Variants in APLF observed in about 807,000 individuals in gnomAD.
The protein encoded by APLF is aprataxin and PNK-like factor.
In APLF, 61 loss-of-function variants were observed where a neutral mutation model predicts 55.6. That is an observed-to-expected ratio of 1.10 (90% CI 0.89 to 1.36). The LOEUF (loss-of-function observed/expected upper bound fraction) is 1.36. Ranked by LOEUF, APLF falls within the 40% of genes most tolerant of loss-of-function variation. The pLI, the probability that APLF is intolerant of heterozygous loss-of-function variation, is 0.00. For missense variants in APLF, 611 were observed against 602.5 expected (o/e 1.01, Z -0.15); for synonymous variants, 207 against 214.8 (o/e 0.96, Z 0.32).
At chr2:68,469,674 G>A (rs1470339499) in intron 1 of APLF, among the ~76,000 whole-genome samples, 1 of 152,142 alleles carries the variant, frequency 6.6e-6, no homozygotes, top group Admixed American at 6.5e-5. Context: ...AGATGCACTC[G>A]ATTCTTCTCT....
At chr2:68,538,287 A>C in intron 7 of APLF, 60 bp downstream of exon 7, 3 of 1,402,036 alleles carry the variant, frequency 2.1e-6, no homozygotes, top group African/African-American at 1.4e-5. Context: ...AGCTATGTAG[A>C]TACATGCTAC....
At chr2:68,504,205 T>C (rs912791440) in intron 3 of APLF, among the ~76,000 whole-genome samples, 4 of 152,034 alleles carry the variant, frequency 2.6e-5, no homozygotes, top group African/African-American at 9.7e-5. Context: ...CATAAGGATC[T>C]TCACTAATGA....
At position 68,502,807 on chromosome 2, in the gene APLF, A is replaced by G. The variant is rs139869963; in HGVS notation, c.245A>G (p.Tyr82Cys). Reference protein sequence around the residue: ...LLPLKPNLWCYLNPGDSFSLL... With the variant: ...LLPLKPNLWCCLNPGDSFSLL... ...CCATTGAAGCCAAATCTATGGTGCT[A>G]TTTGAATCCTGGAGACAGCTTTTCT... Residue 82 changes from tyrosine to cysteine, a missense_variant, in exon 3 of 10, where the codon TAT becomes TGT. Physicochemically the swap from Tyr to Cys is radical, Grantham distance 194. Transcript: ENST00000303795. The G allele has an allele frequency of 5.6e-3, 9,067 of 1,608,676 alleles. 30 individuals carry two copies. The highest frequency in any genetic ancestry group is 6.9e-3 in the Non-Finnish European group (8,172 of 1,178,196).
chr2:68,564,230 T>C (rs922204410), intron 8 of APLF, among the ~76,000 whole-genome samples: 43 of 152,130 alleles, frequency 2.8e-4, no homozygotes, highest in Non-Finnish European at 4.4e-4. Context: ...TTTGCAGCTG[T>C]CTTCATCACA....
intron 6 of APLF, chr2:68,535,215 A>T (rs926996938): frequency 2.7e-6 from 1 of 365,108 alleles, no homozygotes; most frequent in East Asian, 9.8e-5. Flanking sequence ...TTGAAATATG[A>T]TACTATGGAT....
At chr2:68,512,058 C>A (rs985350222) in intron 3 of APLF, among the ~76,000 whole-genome samples, 1 of 151,666 alleles carries the variant, frequency 6.6e-6, no homozygotes, top group Non-Finnish European at 1.5e-5. Context: ...TTAATGAGGA[C>A]AATTTACACA....
chr2:68,470,847 A>G (rs954643069), intron 1 of APLF, among the ~76,000 whole-genome samples: 1 of 152,240 alleles, frequency 6.6e-6, no homozygotes, highest in African/African-American at 2.4e-5. Context: ...AGGGAAGGTC[A>G]TAGGCTTCAG....
chr2:68,554,973 G>A (rs371193914), intron 8 of APLF, among the ~76,000 whole-genome samples: 8 of 152,110 alleles, frequency 5.3e-5, no homozygotes, highest in African/African-American at 1.9e-4. Flanking sequence ...TAGACCAATG[G>A]AACAGAATAG....
At chr2:68,495,607 A>G (rs765702269) in intron 2 of APLF, among the ~76,000 whole-genome samples, 103 of 152,196 alleles carry the variant, frequency 6.8e-4, no homozygotes, top group Admixed American at 2.6e-3. Flanking sequence ...TCACAGCTCT[A>G]CTAGGCAGTG....
At chr2:68,571,676 T>C (rs1445014705) in intron 9 of APLF, among the ~76,000 whole-genome samples, 1 of 152,228 alleles carries the variant, frequency 6.6e-6, no homozygotes, top group Admixed American at 6.5e-5. Flanking sequence ...ACCAGTACCA[T>C]GCTGTTTAGG....
At chr2:68,519,647 AT>A (rs899800464) in intron 5 of APLF, among the ~76,000 whole-genome samples, 2 of 150,088 alleles carry the variant, frequency 1.3e-5, no homozygotes, top group Non-Finnish European at 3.0e-5. Context: ...ACAAAAAAAA[AT>A]TACACATGAA....
intron 3 of APLF, 143 bp downstream of exon 3, chr2:68,503,046 G>T: frequency 1.4e-6 from 1 of 736,770 alleles, no homozygotes. Flanking sequence ...ATGTGTGTGT[G>T]CATGCCTTTG....
At chr2:68,547,913 T>G (rs1220304422) in intron 8 of APLF, among the ~76,000 whole-genome samples, 1 of 151,740 alleles carries the variant, frequency 6.6e-6, no homozygotes, top group Non-Finnish European at 1.5e-5. Flanking sequence ...ATCTCCAATA[T>G]CTAACAGACT....
intron 1 of APLF, among the ~76,000 whole-genome samples, chr2:68,477,132 A>G (rs1405358932): frequency 3.9e-4 from 59 of 152,224 alleles, no homozygotes; most frequent in Non-Finnish European, 1.5e-5. Flanking sequence ...GAGTGTACAT[A>G]GTGCCATTTG....
At chr2:68,483,664 T>C (rs1390560602) in intron 1 of APLF, among the ~76,000 whole-genome samples, 1 of 152,148 alleles carries the variant, frequency 6.6e-6, no homozygotes, top group Non-Finnish European at 1.5e-5. Context: ...CTGTGTAATA[T>C]AGTTTATACT....
intron 8 of APLF, among the ~76,000 whole-genome samples, chr2:68,560,077 A>G (rs1046694086): frequency 6.6e-6 from 1 of 152,076 alleles, no homozygotes; most frequent in African/African-American, 2.4e-5. Flanking sequence ...CTTCCTTCAG[A>G]TATGTGTGTG....
intron 5 of APLF, among the ~76,000 whole-genome samples, chr2:68,521,800 G>T (rs769827958): frequency 6.6e-6 from 1 of 151,902 alleles, no homozygotes; most frequent in Non-Finnish European, 1.5e-5. Context: ...ATACTGTTTG[G>T]CTTGCATTTA....
At chr2:68,531,669 T>C (rs189658357) in intron 6 of APLF, among the ~76,000 whole-genome samples, 2 of 152,400 alleles carry the variant, frequency 1.3e-5, no homozygotes, top group Admixed American at 6.5e-5. Context: ...TGAGCCCTTA[T>C]GTACTCTATT....
At chr2:68,571,108 C>T (rs1279849307) in intron 9 of APLF, among the ~76,000 whole-genome samples, 1 of 152,102 alleles carries the variant, frequency 6.6e-6, no homozygotes, top group Admixed American at 6.5e-5. Context: ...TGAGAAGTGT[C>T]TGTTCATATC....
Sources: gnomAD v4.1 joint callset for allele counts (sites outside exome capture counted in the v4.1 genomes callset) on GRCh38, gnomAD v4.1.1 for gene constraint, MANE v1.5 for transcripts, NCBI Gene and HGNC (gene_info 2026-07-23, HGNC 2026-07-21) for gene names.